DOCK10: variants seen among roughly 807,000 people sequenced by gnomAD.
DOCK10 encodes dedicator of cytokinesis 10, also known as dedicator of cytokinesis protein 10.
Under a neutral mutation model 280.1 loss-of-function variants are expected in DOCK10, and 145 were observed. The observed-to-expected ratio is 0.52, with a 90% CI of 0.45 to 0.59. The LOEUF is 0.59. Among genes scored for constraint, DOCK10 ranks in the 20% least tolerant of loss-of-function variants. DOCK10 has a pLI of 0.00. For synonymous variants in DOCK10, 915 were observed against 942.2 expected (o/e 0.97, Z 0.53); for missense variants, 2,368 against 2,651.7 (o/e 0.89, Z 2.35).
At chr2:224,799,785 AG>A (rs1231115200) in intron 41 of DOCK10, among the ~76,000 whole-genome samples, 5 of 152,178 alleles carry the variant, frequency 3.3e-5, no homozygotes, top group African/African-American at 1.2e-4. Context: ...CAACATTATT[AG>A]TTTTCTTTAG....
intron 1 of DOCK10, among the ~76,000 whole-genome samples, chr2:225,017,955 C>T (rs1675108719): frequency 6.6e-6 from 1 of 152,132 alleles, no homozygotes; most frequent in Admixed American, 6.5e-5. Flanking sequence ...GTCTGGTTGC[C>T]AGCCCCCATT....
intron 4 of DOCK10, among the ~76,000 whole-genome samples, chr2:224,892,408 A>G (rs1429373264): frequency 8.1e-6 from 1 of 123,658 alleles, no homozygotes; most frequent in Non-Finnish European, 1.7e-5. Context: ...AAAAAAAAAA[A>G]AAAAAAAAAA....
chr2:224,881,246 C>A (rs963770378), intron 7 of DOCK10, among the ~76,000 whole-genome samples: 2 of 151,874 alleles, frequency 1.3e-5, no homozygotes, highest in Admixed American at 6.6e-5. Context: ...TTGCATGTAC[C>A]ATATTTGTTT....
intron 1 of DOCK10, among the ~76,000 whole-genome samples, chr2:225,020,078 A>C (rs969970616): frequency 3.2e-4 from 49 of 152,132 alleles, no homozygotes; most frequent in Non-Finnish European, 5.9e-4. Flanking sequence ...ACTTTCCTCT[A>C]TGAGTTTTCA....
At chr2:224,907,105 C>T (rs1240285784) in intron 3 of DOCK10, among the ~76,000 whole-genome samples, 2 of 152,158 alleles carry the variant, frequency 1.3e-5, no homozygotes, top group African/African-American at 2.4e-5. Flanking sequence ...TTATATACCT[C>T]GTTTATGCCA....
At chr2:224,875,936 T>C (rs1698599828) in intron 8 of DOCK10, 102 bp downstream of exon 8, 1 of 1,184,596 alleles carries the variant, frequency 8.4e-7, no homozygotes, top group East Asian at 2.4e-5. Context: ...CCAGGATGGA[T>C]GAGCTAGACC....
rs1453528926 is a variant in DOCK10 at position 224,767,269 on chromosome 2, C to T, written c.6445-1432G>A. Among the ~76,000 whole-genome samples the T allele has an allele frequency of 2.0e-5, 3 of 152,024 alleles. No homozygotes were observed. The East Asian group carries it at 5.8e-4, about 29-fold the overall frequency. On this transcript the variant is annotated intron_variant, in intron 55 of 55. Coordinates refer to ENST00000258390, the MANE Select transcript of DOCK10 (RefSeq NM_014689.3). Reference sequence around the variant, plus strand: ...ACCTCCGCCTCCTGGATTCAAGCAACTCTCCTGCCTCAGCCTCCCAAATAG... The same window carrying T: ...ACCTCCGCCTCCTGGATTCAAGCAATTCTCCTGCCTCAGCCTCCCAAATAG...
chr2:224,898,662 C>T (rs1700124268), intron 3 of DOCK10, among the ~76,000 whole-genome samples: 1 of 152,188 alleles, frequency 6.6e-6, no homozygotes, highest in Non-Finnish European at 1.5e-5. Context: ...CTGCAAGCTC[C>T]TCCTGCCGGG....
intron 2 of DOCK10, among the ~76,000 whole-genome samples, chr2:224,928,380 T>C (rs1702152468): frequency 3.9e-5 from 6 of 152,256 alleles, no homozygotes; most frequent in Admixed American, 3.9e-4. Flanking sequence ...ATGGTGTCCG[T>C]GTTCAATAAA....
chr2:224,816,547 A>G, intron 30 of DOCK10, 70 bp downstream of exon 30: 1 of 953,132 alleles, frequency 1.0e-6, no homozygotes, highest in Non-Finnish European at 1.6e-6. Context: ...AATAATAAAC[A>G]AAAGGTAAAA....
In DOCK10 at chr2:224,937,347, C is replaced by A. The variant is rs182383361; in HGVS notation, c.124-5679G>T. Among the ~76,000 whole-genome samples, 879 of 151,478 alleles carry A rather than the reference C, an allele frequency of 5.8e-3. 13 individuals are homozygous for A. Among genetic ancestry groups the A allele is most frequent in the African/African-American group, 0.02 (820 of 41,344 alleles). On this transcript the variant is annotated intron_variant, in intron 1 of 55. Coordinates refer to ENST00000258390, the MANE Select transcript of DOCK10 (RefSeq NM_014689.3). ...AAAGTATGAAAAGTGGTAAGTGAACCACTGAATATCAGACAAATGTAGATT... is the reference window on the plus strand; with the variant it reads ...AAAGTATGAAAAGTGGTAAGTGAACAACTGAATATCAGACAAATGTAGATT...
chr2:225,035,560 A>G (rs1690215257), intron 1 of DOCK10, among the ~76,000 whole-genome samples: 2 of 49,798 alleles, frequency 4.0e-5, no homozygotes, highest in South Asian at 2.2e-3. Context: ...ATATATATAT[A>G]TATATATATA....
chr2:224,777,910 G>A (rs151283285), intron 51 of DOCK10, among the ~76,000 whole-genome samples: 38 of 152,282 alleles, frequency 2.5e-4, no homozygotes, highest in African/African-American at 8.7e-4. Flanking sequence ...CAATGGAGAC[G>A]TAGAGAATTT....
chr2:224,829,118 A>G (rs940656751), intron 27 of DOCK10, among the ~76,000 whole-genome samples: 1 of 152,234 alleles, frequency 6.6e-6, no homozygotes, highest in Non-Finnish European at 1.5e-5. Flanking sequence ...ACTGAGAAGA[A>G]GGGCATATAG....
chr2:224,849,126 C>A (rs1221329111), intron 19 of DOCK10, among the ~76,000 whole-genome samples: 1 of 152,106 alleles, frequency 6.6e-6, no homozygotes, highest in African/African-American at 2.4e-5. Context: ...CAGGCACGTG[C>A]CACCACGCCC....
At chr2:224,953,706 G>A (rs1229857406) in intron 1 of DOCK10, among the ~76,000 whole-genome samples, 2 of 152,134 alleles carry the variant, frequency 1.3e-5, no homozygotes, top group Non-Finnish European at 2.9e-5. Flanking sequence ...AGGTAACTGC[G>A]GTTTTTGCGA....
At chr2:224,858,950 T>C (rs1475182028) in intron 14 of DOCK10, among the ~76,000 whole-genome samples, 6 of 152,236 alleles carry the variant, frequency 3.9e-5, no homozygotes, top group Admixed American at 3.9e-4. Context: ...AACCATGATG[T>C]GCAGAATGAA....
chr2:224,864,310 C>A (rs1183536822), intron 13 of DOCK10, among the ~76,000 whole-genome samples: 1 of 152,102 alleles, frequency 6.6e-6, no homozygotes, highest in Non-Finnish European at 1.5e-5. Flanking sequence ...GAGTTCGAGA[C>A]CAGCCTGGTC....
chr2:224,998,961 T>G (rs991346264), intron 1 of DOCK10, among the ~76,000 whole-genome samples: 1 of 152,098 alleles, frequency 6.6e-6, no homozygotes, highest in Admixed American at 6.6e-5. Context: ...CCCAAGCAGG[T>G]GGATCACTTG....
Sources: allele counts gnomAD v4.1 joint callset (sites outside exome capture counted in the v4.1 genomes callset), GRCh38; gene constraint gnomAD v4.1.1; transcripts MANE v1.5; gene names NCBI Gene and HGNC (gene_info 2026-07-23, HGNC 2026-07-21).